The following RGL1 variants were observed in gnomAD, a reference collection of about 807,000 sequenced individuals.
The protein encoded by RGL1 is ral guanine nucleotide dissociation stimulator like 1.
RGL1 carries 24 observed loss-of-function variants against 95.2 expected under a neutral mutation model. That is an observed-to-expected ratio of 0.25 (90% CI 0.18 to 0.35). The LOEUF is 0.35. RGL1 is among the 10% of genes least tolerant of loss of function. The pLI, the probability that RGL1 is intolerant of heterozygous loss-of-function variation, is 1.00. For synonymous variants in RGL1, 329 were observed against 344.9 expected (o/e 0.95, Z 0.51); for missense variants, 715 against 936.3 (o/e 0.76, Z 3.08).
intron 1 of RGL1, among the ~76,000 whole-genome samples, chr1:183,805,590 G>A (rs895536500): frequency 2.0e-5 from 3 of 152,230 alleles, no homozygotes; most frequent in Non-Finnish European, 2.9e-5. Context: ...AAAAAGAACT[G>A]TTAGTGTGGG....
intron 2 of RGL1, among the ~76,000 whole-genome samples, chr1:183,761,219 G>A (rs964744111): frequency 6.6e-6 from 1 of 152,102 alleles, no homozygotes; most frequent in African/African-American, 2.4e-5. Flanking sequence ...ATCCATCAGA[G>A]GAATCATTAT....
intron 2 of RGL1, among the ~76,000 whole-genome samples, chr1:183,837,426 C>G (rs989139104): frequency 4.6e-5 from 7 of 152,118 alleles, no homozygotes; most frequent in Admixed American, 2.0e-4. Context: ...ATTTGAGGCT[C>G]TGAATGAGAG....
chr1:183,829,439 TAAA>T (rs748047870), intron 2 of RGL1, among the ~76,000 whole-genome samples: 2 of 132,800 alleles, frequency 1.5e-5, no homozygotes, highest in Admixed American at 7.5e-5. Flanking sequence ...AGACCCTGCT[TAAA>T]AAAAAAAAAA....
At chr1:183,858,255 T>G (rs1029144713) in intron 3 of RGL1, among the ~76,000 whole-genome samples, 1 of 152,156 alleles carries the variant, frequency 6.6e-6, no homozygotes, top group Non-Finnish European at 1.5e-5. Context: ...TTTCAGCAGT[T>G]GGTGGGAGTG....
intron 4 of RGL1, among the ~76,000 whole-genome samples, chr1:183,871,074 G>T (rs752353163): frequency 2.2e-4 from 33 of 152,190 alleles, no homozygotes; most frequent in South Asian, 4.1e-4. Flanking sequence ...TGATGTCTAA[G>T]ATAAAATTTA....
intron 2 of RGL1, among the ~76,000 whole-genome samples, chr1:183,833,374 G>C (rs1019747711): frequency 3.3e-5 from 5 of 152,124 alleles, no homozygotes; most frequent in African/African-American, 9.7e-5. Flanking sequence ...ATAGCTCAAA[G>C]GGTAATCAAT....
chr1:183,790,376 C>A (rs1660387989), intron 2 of RGL1, among the ~76,000 whole-genome samples: 2 of 152,166 alleles, frequency 1.3e-5, no homozygotes, highest in Non-Finnish European at 2.9e-5. Flanking sequence ...CTTTTGGGTA[C>A]CTGAACTGAT....
At chr1:183,873,310 C>T (rs142653486) in intron 4 of RGL1, among the ~76,000 whole-genome samples, 6 of 152,348 alleles carry the variant, frequency 3.9e-5, no homozygotes, top group Non-Finnish European at 8.8e-5. Flanking sequence ...CTGCCCTTGC[C>T]ACCACCATTG....
chr1:183,768,461 C>CTTTTTTTTTTTTTTTTTTTTTTTTTTTTT (rs71130639), intron 2 of RGL1, among the ~76,000 whole-genome samples: 1 of 83,850 alleles, frequency 1.2e-5, no homozygotes, highest in Non-Finnish European at 2.2e-5. Context: ...CTTTAGATAA[C>CTTTTTTTTTTTTTTTTTTTTTTTTTTTTT]TTTTTTTTTT....
At chr1:183,659,205 G>A (rs1651424857) in intron 1 of RGL1, among the ~76,000 whole-genome samples, 1 of 152,230 alleles carries the variant, frequency 6.6e-6, no homozygotes, top group Non-Finnish European at 1.5e-5. Context: ...AAGCTGGACG[G>A]AGAATGACTT....
In RGL1 at chr1:183,647,923, G is replaced by A. The variant is rs896311344; in HGVS notation, c.-33+11422G>A. 3 of 1,614,106 alleles carry A rather than the reference G, an allele frequency of 1.9e-6. No individual in the cohort carries two copies. In the African/African-American group the frequency reaches 4.0e-5, roughly 22 times the overall value. ...AGCACAAAAACAACAGGAGCCCTGA[G>A]GTCTGGAGGTAGGTTGGGTTGGAGT... On this transcript the variant is annotated intron_variant, in intron 1 of 18. Transcript: ENST00000304685.
chr1:183,748,174 C>A (rs183720250), intron 2 of RGL1, among the ~76,000 whole-genome samples: 1 of 151,854 alleles, frequency 6.6e-6, no homozygotes, highest in African/African-American at 2.4e-5. Flanking sequence ...TGGTGATATC[C>A]CCTTTATCAT....
intron 2 of RGL1, among the ~76,000 whole-genome samples, chr1:183,742,723 T>A (rs987183066): frequency 9.2e-5 from 14 of 151,626 alleles, no homozygotes; most frequent in Admixed American, 3.3e-4. Flanking sequence ...GGTGTGTGTG[T>A]GAGAGAGAGA....
chr1:183,747,641 G>C (rs2102272907), intron 2 of RGL1, among the ~76,000 whole-genome samples: 1 of 152,230 alleles, frequency 6.6e-6, no homozygotes, highest in South Asian at 2.1e-4. Context: ...TACATTTATT[G>C]ATTTGCATAT....
intron 1 of RGL1, among the ~76,000 whole-genome samples, chr1:183,660,207 A>G (rs1212837563): frequency 6.6e-6 from 1 of 152,200 alleles, no homozygotes; most frequent in East Asian, 1.9e-4. Flanking sequence ...ACCCATAACA[A>G]TATTAATTTT....
intron 1 of RGL1, among the ~76,000 whole-genome samples, chr1:183,697,189 C>T (rs1440708304): frequency 6.6e-6 from 1 of 152,158 alleles, no homozygotes; most frequent in African/African-American, 2.4e-5. Context: ...GCTCCCGCCC[C>T]AAACCCCCAT....
intron 2 of RGL1, among the ~76,000 whole-genome samples, chr1:183,811,136 G>A (rs953911207): frequency 6.6e-6 from 1 of 152,174 alleles, no homozygotes; most frequent in Non-Finnish European, 1.5e-5. Flanking sequence ...GGGCATGGGA[G>A]CAAGAAAAAT....
chr1:183,777,023 G>T (rs1028479578), intron 2 of RGL1, among the ~76,000 whole-genome samples: 1 of 152,178 alleles, frequency 6.6e-6, no homozygotes, highest in African/African-American at 2.4e-5. Context: ...GAGCATAGAG[G>T]TTTTGTCTCC....
At chr1:183,766,806 G>GCTA (rs1658990542) in intron 2 of RGL1, among the ~76,000 whole-genome samples, 1 of 150,970 alleles carries the variant, frequency 6.6e-6, no homozygotes, top group Middle Eastern at 3.2e-3. Flanking sequence ...TTTTTTTTGA[G>GCTA]GCTTGACAAA....
Sources: gnomAD v4.1 joint callset for allele counts (sites outside exome capture counted in the v4.1 genomes callset) on GRCh38, gnomAD v4.1.1 for gene constraint, MANE v1.5 for transcripts, NCBI Gene and HGNC (gene_info 2026-07-23, HGNC 2026-07-21) for gene names.